Variants in IL7 observed in about 807,000 individuals in gnomAD.
IL7 encodes interleukin 7.
Under a neutral mutation model 21.6 loss-of-function variants are expected in IL7, and 3 were observed. The observed-to-expected ratio is 0.14, with a 90% CI of 0.06 to 0.36. IL7 has a LOEUF of 0.36. Among genes scored for constraint, IL7 ranks in the 10% least tolerant of loss-of-function variants. The probability of loss-of-function intolerance (pLI) is 1.00; values close to 1 mark genes in which losing one functional copy is unlikely to be tolerated. For missense variants in IL7, 175 were observed against 200.2 expected (o/e 0.87, Z 0.76); for synonymous variants, 62 against 68.1 (o/e 0.91, Z 0.44).
intron 3 of IL7, chr8:78,697,549 T>A (rs763422890): frequency 4.1e-6 from 6 of 1,468,808 alleles, no homozygotes; most frequent in Admixed American, 1.8e-5. Flanking sequence ...TTTGAAACCA[T>A]GTTGGCAGAG....
chr8:78,722,234 T>A (rs541369535), intron 3 of IL7, among the ~76,000 whole-genome samples: 1 of 152,090 alleles, frequency 6.6e-6, no homozygotes, highest in South Asian at 2.1e-4. Flanking sequence ...AACTGCCGCC[T>A]TTTACGTTGT....
At position 78,687,560 on chromosome 8, in the gene IL7, A is replaced by G. The variant is rs1021359190; in HGVS notation, n.215-1613T>C. Among the ~76,000 whole-genome samples, 40 of 143,152 alleles carry G rather than the reference A, an allele frequency of 2.8e-4. No homozygotes were observed. In the South Asian group the frequency reaches 4.2e-3, roughly 15 times the overall value. The allele number at this position is 143,152 out of a possible 152,430, so 93.9% of individuals were successfully genotyped here. ...TTTATATAATAAATTTTATATTTAC[A>G]TAATAAATTATATATATTTACGTAA... On this transcript the variant is annotated intron_variant and non_coding_transcript_variant, in intron 3 of 4. Coordinates refer to the IL7 transcript ENST00000523959.
intron 2 of IL7, among the ~76,000 whole-genome samples, chr8:78,779,445 G>C (rs905244672): frequency 2.0e-5 from 3 of 151,926 alleles, no homozygotes; most frequent in African/African-American, 4.8e-5. Context: ...TTTTAACATG[G>C]GGGGATGTTG....
intron 2 of IL7, among the ~76,000 whole-genome samples, chr8:78,769,583 C>T (rs1442914305): frequency 6.6e-6 from 1 of 152,156 alleles, no homozygotes; most frequent in Non-Finnish European, 1.5e-5. Context: ...TAGGAAGAAT[C>T]AATATCATGA....
rs949112099 is a variant in IL7 at position 78,678,543 on chromosome 8, G to C, written n.274-2439C>G. On this transcript the variant is annotated intron_variant and non_coding_transcript_variant, in intron 4 of 4. Transcript: ENST00000523959. The stretch of plus-strand genomic sequence containing the variant: ...TCTGTAGAAAAGAAAATGATAGGCT[G>C]CATTTCTTTATCTTAACAGAAAAAA... 5 of 1,569,864 alleles carry C rather than the reference G, an allele frequency of 3.2e-6. No individual in the cohort carries two copies. In the East Asian group the frequency reaches 1.1e-4, roughly 36 times the overall value.
intron 1 of IL7, among the ~76,000 whole-genome samples, chr8:78,804,463 T>C (rs1049482091): frequency 6.6e-6 from 1 of 152,142 alleles, no homozygotes; most frequent in Non-Finnish European, 1.5e-5. Context: ...CCGTGGGAGC[T>C]TCGCTTTCAC....
chr8:78,705,949 G>T (rs1810759724), intron 3 of IL7, among the ~76,000 whole-genome samples: 1 of 152,150 alleles, frequency 6.6e-6, no homozygotes, highest in South Asian at 2.1e-4. Flanking sequence ...TACCAGCAGG[G>T]ATGGTTGGAG....
At chr8:78,687,612 TTATA>T (rs1281174211) in intron 3 of IL7, among the ~76,000 whole-genome samples, 72 of 135,530 alleles carry the variant, frequency 5.3e-4, no homozygotes, top group African/African-American at 1.5e-3. Flanking sequence ...ACATAATACA[TTATA>T]TATATTTACG....
intron 4 of IL7, chr8:78,676,142 AAT>A: frequency 8.3e-6 from 2 of 241,126 alleles, no homozygotes; most frequent in Non-Finnish European, 1.6e-5. Context: ...AAAAAAACAA[AAT>A]CAGATACCTT....
intron 5 of IL7, among the ~76,000 whole-genome samples, chr8:78,735,293 G>GTTTTTTTTTTTTTTTTTTTTTTT (rs33976248): frequency 1.4e-5 from 1 of 69,574 alleles, no homozygotes; most frequent in Admixed American, 1.6e-4. Flanking sequence ...TTTTTTTTTT[G>GTTTTTTTTTTTTTTTTTTTTTTT]TTTTTTTTTT....
intron 3 of IL7, chr8:78,689,291 G>A: frequency 6.2e-7 from 1 of 1,602,112 alleles, no homozygotes; most frequent in Non-Finnish European, 8.5e-7. Context: ...ATAAATTTCT[G>A]TAAAGAACAG....
At chr8:78,801,696 A>T (rs768116943) in intron 1 of IL7, among the ~76,000 whole-genome samples, 5 of 152,200 alleles carry the variant, frequency 3.3e-5, no homozygotes, top group Non-Finnish European at 5.9e-5. Context: ...AGACTAAATG[A>T]TCTTTTTCAT....
chr8:78,718,194 G>A (rs1811164797), intron 6 of IL7: 1 of 151,760 alleles, frequency 6.6e-6, no homozygotes, highest in Admixed American at 6.6e-5. Flanking sequence ...TTTTAGTTCT[G>A]TATGTATTCG....
At chr8:78,762,265 A>G in intron 2 of IL7, 1 of 1,579,650 alleles carries the variant, frequency 6.3e-7, no homozygotes, top group Non-Finnish European at 8.7e-7. Flanking sequence ...ATAATCGATA[A>G]TGTTTATTTA....
At chr8:78,725,404 T>C (rs928579791) in intron 3 of IL7, among the ~76,000 whole-genome samples, 2 of 150,406 alleles carry the variant, frequency 1.3e-5, no homozygotes, top group Non-Finnish European at 3.0e-5. Context: ...GAGTGCCAAG[T>C]TGGTGATTAT....
At chr8:78,779,477 T>C (rs1813244547) in intron 2 of IL7, among the ~76,000 whole-genome samples, 1 of 152,216 alleles carries the variant, frequency 6.6e-6, no homozygotes, top group African/African-American at 2.4e-5. Context: ...AGGCCTTTTC[T>C]ACATCTATTG....
At chr8:78,727,494 A>G (rs1321411616) in intron 3 of IL7, among the ~76,000 whole-genome samples, 1 of 152,058 alleles carries the variant, frequency 6.6e-6, no homozygotes, top group East Asian at 1.9e-4. Flanking sequence ...ATATTTCAAT[A>G]ACAAGTATTT....
chr8:78,731,809 G>A (rs1413610117), downstream of IL7, among the ~76,000 whole-genome samples: 1 of 151,992 alleles, frequency 6.6e-6, no homozygotes, highest in Non-Finnish European at 1.5e-5. Context: ...TACACTGTTT[G>A]AGTCCAATTT....
chr8:78,700,254 A>G (rs1810556765), intron 3 of IL7, among the ~76,000 whole-genome samples: 2 of 152,086 alleles, frequency 1.3e-5, no homozygotes, highest in Non-Finnish European at 2.9e-5. Context: ...AGTTGACCGC[A>G]TGTATGTCTT....
Sources: gnomAD v4.1 joint callset for allele counts (sites outside exome capture counted in the v4.1 genomes callset) on GRCh38, gnomAD v4.1.1 for gene constraint, MANE v1.5 for transcripts, NCBI Gene and HGNC (gene_info 2026-07-23, HGNC 2026-07-21) for gene names.